CNIH3: variants seen among roughly 807,000 people sequenced by gnomAD.
CNIH3 encodes cornichon family AMPA receptor auxiliary protein 3, also known as protein cornichon homolog 3.
CNIH3 carries 14 observed loss-of-function variants against 24.1 expected under a neutral mutation model. The observed-to-expected ratio is 0.58, with a 90% confidence interval of 0.38 to 0.91. The LOEUF is 0.91. CNIH3 is among the 40% of genes least tolerant of loss of function. The pLI is 0.00. For synonymous variants in CNIH3, 68 were observed against 73.8 expected, an observed-to-expected ratio of 0.92 and a Z score of 0.40; for missense variants, 178 against 196.8, an observed-to-expected ratio of 0.90 and a Z score of 0.57.
intron 1 of CNIH3, among the ~76,000 whole-genome samples, chr1:224,463,773 ATTTTTTTTTTTTTTTT>A (rs56137320): frequency 2.4e-3 from 49 of 20,728 alleles, no homozygotes; most frequent in Admixed American, 7.1e-3. Context: ...AATTGTCCTC[ATTTTTTTTTTTTTTTT>A]TTTTTTTTTT....
intron 3 of CNIH3, among the ~76,000 whole-genome samples, chr1:224,702,891 C>T (rs1472133550): frequency 1.3e-5 from 2 of 152,110 alleles, no homozygotes; most frequent in East Asian, 1.9e-4. Flanking sequence ...CCTTGCTGGT[C>T]GGGGGAGACT....
chr1:224,586,862 G>T (rs1316100720), intron 5 of CNIH3, among the ~76,000 whole-genome samples: 1 of 152,178 alleles, frequency 6.6e-6, no homozygotes, highest in Non-Finnish European at 1.5e-5. Flanking sequence ...GAGTGATGCT[G>T]CCACAGGCCG....
At chr1:224,682,336 G>A (rs1254771213) in intron 2 of CNIH3, among the ~76,000 whole-genome samples, 1 of 152,154 alleles carries the variant, frequency 6.6e-6, no homozygotes, top group African/African-American at 2.4e-5. Flanking sequence ...CATGAGTGCT[G>A]CAGCTAGGAC....
chr1:224,570,951 C>G (rs183587193), intron 4 of CNIH3, among the ~76,000 whole-genome samples: 1 of 151,648 alleles, frequency 6.6e-6, no homozygotes, highest in African/African-American at 2.4e-5. Flanking sequence ...CTCTCAGCAC[C>G]GTGAATTTCC....
rs74146205 is a variant in CNIH3, at chr1:224,633,563, G to A, written c.81+16308G>A. On this transcript the variant is annotated intron_variant, in intron 1 of 5. Transcript: ENST00000272133. ...ATGGATGGAAAGTCCAGAAAACAAG[G>A]CTTCAAACAATAGAATAGCCAGATT... Among the ~76,000 whole-genome samples the A allele has an allele frequency of 8.1e-3, 1,239 of 152,296 alleles. 19 individuals are homozygous for A. Among genetic ancestry groups the A allele is most frequent in the African/African-American group, 0.028 (1,184 of 41,548 alleles).
chr1:224,448,947 C>T (rs917576894), intron 1 of CNIH3, among the ~76,000 whole-genome samples: 1 of 149,522 alleles, frequency 6.7e-6, no homozygotes, highest in Non-Finnish European at 1.5e-5. Context: ...TGACACGAAT[C>T]AGAAGCTGGG....
chr1:224,731,031 A>G (rs1354046047), intron 4 of CNIH3, among the ~76,000 whole-genome samples: 2 of 152,256 alleles, frequency 1.3e-5, no homozygotes, highest in Non-Finnish European at 1.5e-5. Context: ...GATTCTATTT[A>G]TAGGAAATGT....
At chr1:224,559,141 G>A (rs903133236) in intron 3 of CNIH3, among the ~76,000 whole-genome samples, 1 of 152,178 alleles carries the variant, frequency 6.6e-6, no homozygotes, top group Non-Finnish European at 1.5e-5. Context: ...CCAGCCAGGT[G>A]AAGGGAAGGG....
intron 5 of CNIH3, among the ~76,000 whole-genome samples, chr1:224,738,860 C>G (rs937938184): frequency 6.6e-6 from 1 of 152,108 alleles, no homozygotes; most frequent in Non-Finnish European, 1.5e-5. Context: ...TATGTTCCCA[C>G]GCTGGCCTTT....
chr1:224,519,190 G>C (rs34119581), intron 1 of CNIH3, among the ~76,000 whole-genome samples: 18,017 of 152,224 alleles, frequency 0.12, 1,124 homozygotes, highest in Non-Finnish European at 0.14. Flanking sequence ...ATTTATAAAT[G>C]AAAGAGGTTT....
intron 3 of CNIH3, among the ~76,000 whole-genome samples, chr1:224,708,346 A>T (rs557616453): frequency 6.6e-6 from 1 of 152,120 alleles, no homozygotes; most frequent in Admixed American, 6.5e-5. Context: ...TCTCTCTCTC[A>T]TTGTTATCCA....
chr1:224,567,827 C>G (rs1680642209), intron 4 of CNIH3, among the ~76,000 whole-genome samples: 1 of 152,130 alleles, frequency 6.6e-6, no homozygotes, highest in Non-Finnish European at 1.5e-5. Flanking sequence ...GTTCAGTTGG[C>G]ATAAATGACC....
intron 3 of CNIH3, among the ~76,000 whole-genome samples, chr1:224,696,120 G>T (rs1346063117): frequency 6.6e-6 from 1 of 152,136 alleles, no homozygotes; most frequent in Non-Finnish European, 1.5e-5. Flanking sequence ...GGGTGGGTGG[G>T]ACTCGGCCTC....
intron 2 of CNIH3, among the ~76,000 whole-genome samples, chr1:224,546,003 G>A (rs577934392): frequency 1.1e-3 from 174 of 152,162 alleles, no homozygotes; most frequent in Non-Finnish European, 1.9e-3. Flanking sequence ...TGTGTCCTAA[G>A]CTCCTCTTCT....
chr1:224,590,552 T>C (rs183816434), downstream of CNIH3, among the ~76,000 whole-genome samples: 8 of 152,312 alleles, frequency 5.3e-5, no homozygotes, highest in East Asian at 1.5e-3. Context: ...GTGAGGGCCT[T>C]CTTGCTGTAT....
At chr1:224,558,179 A>G (rs534833935) in intron 3 of CNIH3, among the ~76,000 whole-genome samples, 26 of 152,016 alleles carry the variant, frequency 1.7e-4, no homozygotes, top group Non-Finnish European at 3.4e-4. Flanking sequence ...AGATGGCCCC[A>G]CTCACCTGCC....
At chr1:224,598,258 C>T (rs7516323) in intron 3 of CNIH3, among the ~76,000 whole-genome samples, 7 of 151,956 alleles carry the variant, frequency 4.6e-5, no homozygotes, top group Admixed American at 6.6e-5. Context: ...AATAGCAAGA[C>T]AACTAGAATC....
intron 5 of CNIH3, among the ~76,000 whole-genome samples, chr1:224,586,024 A>G (rs891735726): frequency 3.3e-5 from 5 of 152,270 alleles, no homozygotes; most frequent in African/African-American, 1.2e-4. Flanking sequence ...GAGAGAACTC[A>G]GGACATCATG....
At chr1:224,716,110 C>A (rs887825380) in intron 3 of CNIH3, among the ~76,000 whole-genome samples, 4 of 152,146 alleles carry the variant, frequency 2.6e-5, no homozygotes, top group Non-Finnish European at 4.4e-5. Context: ...AAGTATTTTT[C>A]AAATCCATCA....
Sources: gnomAD v4.1 joint callset for allele counts (sites outside exome capture counted in the v4.1 genomes callset) on GRCh38, gnomAD v4.1.1 for gene constraint, MANE v1.5 for transcripts, NCBI Gene and HGNC (gene_info 2026-07-23, HGNC 2026-07-21) for gene names.